The following IFNAR1 variants were observed in gnomAD, a reference collection of about 807,000 sequenced individuals.
IFNAR1 encodes the protein interferon alpha and beta receptor subunit 1, also known as interferon alpha/beta receptor 1.
IFNAR1 carries 47 observed loss-of-function variants against 62.1 expected under a neutral mutation model. The observed-to-expected ratio is 0.76, with a 90% CI of 0.60 to 0.97. IFNAR1 has a LOEUF of 0.97. IFNAR1 is among the 50% of genes least tolerant of loss of function. The pLI is 0.00. For synonymous variants in IFNAR1, 219 were observed against 226.9 expected (o/e 0.97, Z 0.31); for missense variants, 638 against 654.5 (o/e 0.97, Z 0.27).
intron 2 of IFNAR1, among the ~76,000 whole-genome samples, chr21:33,337,617 T>C (rs2083249950): frequency 9.0e-6 from 1 of 111,488 alleles, no homozygotes; most frequent in African/African-American, 3.2e-5. Flanking sequence ...AAATACACAC[T>C]GTATATATGC....
At chr21:33,334,721 C>A in intron 1 of IFNAR1, 1 of 818,784 alleles carries the variant, frequency 1.2e-6, no homozygotes, top group Non-Finnish European at 2.1e-6. Context: ...ACCCCAGTGT[C>A]AAGTGATGCG....
chr21:33,334,829 G>C, intron 1 of IFNAR1: 1 of 937,474 alleles, frequency 1.1e-6, no homozygotes, highest in Non-Finnish European at 1.7e-6. Flanking sequence ...GACCCAGGTG[G>C]TGATCCAGGG....
rs755379846 is a variant in IFNAR1, at chr21:33,346,367, C to T, written c.788+1007C>T. 2.0e-5 allele frequency among the ~76,000 whole-genome samples: 3 copies of T among 152,172 alleles called. 1 individual carries two copies. Among genetic ancestry groups the T allele is most frequent in the South Asian group, 4.1e-4 (2 of 4,820 alleles). ...TGAGGGAGAAGGGAAGTGTAAGTAC[C>T]GCTATGATCAATTTCTATCTTTTAG... On this transcript the variant is annotated intron_variant, in intron 6 of 10. Coordinates refer to ENST00000270139, the MANE Select transcript of IFNAR1 (RefSeq NM_000629.3).
intron 1 of IFNAR1, among the ~76,000 whole-genome samples, chr21:33,333,811 G>C (rs929683535): frequency 6.6e-6 from 1 of 151,778 alleles, no homozygotes; most frequent in Admixed American, 6.6e-5. Context: ...TTTTAGTAGA[G>C]ACGGGGTTTC....
chr21:33,345,390 C>A, intron 6 of IFNAR1, 30 bp downstream of exon 6: 1 of 1,261,170 alleles, frequency 7.9e-7, no homozygotes, highest in Non-Finnish European at 1.2e-6. Context: ...TTTCCTTTTG[C>A]CCAGTTTGTT....
At chr21:33,345,468 G>GT in intron 6 of IFNAR1, 108 bp downstream of exon 6, 1 of 705,120 alleles carries the variant, frequency 1.4e-6, no homozygotes. Flanking sequence ...CGACTGGGAG[G>GT]TGGGTACGAT....
intron 2 of IFNAR1, among the ~76,000 whole-genome samples, chr21:33,338,820 G>A (rs559650755): frequency 2.6e-5 from 4 of 151,052 alleles, no homozygotes; most frequent in Non-Finnish European, 4.4e-5. Context: ...TCGGCTCACC[G>A]CAACCTCCGC....
chr21:33,343,245 T>C, intron 3 of IFNAR1, 23 bp from the exon 4 acceptor site: 1 of 1,603,880 alleles, frequency 6.2e-7, no homozygotes, highest in Middle Eastern at 1.7e-4. Context: ...AGTTCCATAG[T>C]AATTGTTTTG....
Position 33,353,713 on chromosome 21 carries a change from C to A in IFNAR1, c.1370C>A (p.Ala457Glu), listed in dbSNP as rs200796146. 1 of 1,592,038 alleles carries A rather than the reference C, an allele frequency of 6.3e-7. No individual in the cohort carries two copies. The highest frequency in any genetic ancestry group is 2.3e-5 in the East Asian group (1 of 43,798). The stretch of plus-strand genomic sequence containing the variant: ...GCTCTCCCGTTTGTCATTTATGCTG[C>A]GAAAGTCTTCTTGAGATGCATCAAT... ...LFALPFVIYA[A>E]KVFLRCINYV... The change falls in exon 10 of 11, where the codon GCG (alanine) becomes GAG (glutamate). Residue 457 changes from alanine to glutamate, a missense_variant. By Grantham distance (107) the Ala-to-Glu change is moderately radical. Coordinates refer to ENST00000270139, the MANE Select transcript of IFNAR1 (RefSeq NM_000629.3).
chr21:33,333,755 C>G (rs1245734387), intron 1 of IFNAR1, among the ~76,000 whole-genome samples: 2 of 151,584 alleles, frequency 1.3e-5, no homozygotes, highest in Non-Finnish European at 2.9e-5. Flanking sequence ...TCCTGAGTAG[C>G]TGGGACTACA....
Position 33,358,099 on chromosome 21 carries a change from G to T in IFNAR1, c.*2550G>T, listed in dbSNP as rs992296462. ...AGTGAAATTGTTAGGTCTCTAGGAA[G>T]TTGGAGCACAAGGCTTCACGCTTTA... On this transcript the variant is annotated 3_prime_UTR_variant, in exon 11 of 11. Coordinates refer to ENST00000270139, the MANE Select transcript of IFNAR1 (RefSeq NM_000629.3). The T allele has an allele frequency of 6.6e-6, 1 of 152,224 alleles. No individual in the cohort carries two copies. Among genetic ancestry groups the T allele is most frequent in the Non-Finnish European group, 1.5e-5 (1 of 68,044 alleles). 9.4% of individuals were successfully genotyped at this position (152,224 alleles called of 1,614,324 possible). A position where few individuals can be genotyped will look rare whatever the true frequency, so the allele number is the denominator to read the frequency against.
chr21:33,352,662 C>A (rs1455653043), intron 8 of IFNAR1, 96 bp from the exon 9 acceptor site: 9 of 625,276 alleles, frequency 1.4e-5, no homozygotes, highest in Middle Eastern at 4.7e-4. Context: ...GTGGGAGAGG[C>A]CAATGTTAGA....
chr21:33,343,387 A>G lies in IFNAR1; in HGVS notation c.496A>G (p.Ser166Gly). ...WALDGLSFTYSLVIWKNSSGV... is the reference protein window; with the variant it reads ...WALDGLSFTYGLVIWKNSSGV... ...TTTGGATGGTTTAAGCTTTACATAT[A>G]GCTTAGTTATCTGGAAAAACTCTTC... is the stretch of plus-strand genomic sequence containing the variant. Residue 166 changes from serine (S) to glycine (G), a missense_variant, in exon 4 of 11, where the codon AGC becomes GGC. Transcript: ENST00000270139. 1 of 1,613,190 alleles carries G rather than the reference A, an allele frequency of 6.2e-7. No homozygotes were observed. The highest frequency in any genetic ancestry group is 8.5e-7 in the Non-Finnish European group (1 of 1,179,230).
At chr21:33,341,251 T>G (rs1346157587) in intron 3 of IFNAR1, 77 bp downstream of exon 3, 1 of 1,121,380 alleles carries the variant, frequency 8.9e-7, no homozygotes, top group East Asian at 2.4e-5. Flanking sequence ...GCCATTCATT[T>G]GCATGATGCA....
rs755405687 is a variant in IFNAR1 at position 33,355,273 on chromosome 21, T to C, written c.1441-43T>C. On this transcript the variant is annotated intron_variant, in intron 10 of 10. Coordinates refer to ENST00000270139, the MANE Select transcript of IFNAR1 (RefSeq NM_000629.3). ...ACAACTAGAAAAGGAATTTTTATTA[T>C]TTTAAATAATTGATTTCTACTCTTT... The C allele has an allele frequency of 6.2e-6, 6 of 972,952 alleles. No individual in the cohort carries two copies. The African/African-American group carries it at 1.0e-4, about 16-fold the overall frequency. 60.3% of individuals were successfully genotyped at this position (972,952 alleles called of 1,614,324 possible).
intron 2 of IFNAR1, among the ~76,000 whole-genome samples, chr21:33,339,642 C>T (rs974690399): frequency 1.3e-5 from 2 of 152,090 alleles, no homozygotes; most frequent in Non-Finnish European, 2.9e-5. Flanking sequence ...GCTAAATTGG[C>T]CGGGCATGGT....
rs766429391 is a variant in IFNAR1 at position 33,325,082 on chromosome 21, G to T, written c.27G>T (p.Thr9=). The change falls in exon 1 of 11, where the codon ACG becomes ACT. Residue 9 remains threonine, a synonymous_variant. Coordinates refer to ENST00000270139, the MANE Select transcript of IFNAR1 (RefSeq NM_000629.3). The part of the protein sequence containing the change: MMVVLLGA[T]TLVLVAVAPW... The stretch of plus-strand genomic sequence containing the variant: ...TGATGGTCGTCCTCCTGGGCGCGAC[G>T]ACCCTAGTGCTCGTCGCCGTGGCGC... 2 of 1,610,256 alleles carry T rather than the reference G, an allele frequency of 1.2e-6. No individual in the cohort carries two copies. The highest frequency in any genetic ancestry group is 4.5e-5 in the East Asian group (2 of 44,714).
At chr21:33,324,872 C>A (rs1207683383), upstream of IFNAR1, 6 of 469,734 alleles carry the variant, frequency 1.3e-5, no homozygotes, top group Non-Finnish European at 2.3e-5. Context: ...CGTGGAGGAA[C>A]GGCGCGTGCG....
At chr21:33,333,498 G>C (rs978983938) in intron 1 of IFNAR1, among the ~76,000 whole-genome samples, 1 of 151,902 alleles carries the variant, frequency 6.6e-6, no homozygotes, top group African/African-American at 2.4e-5. Context: ...AGGAAGAAAG[G>C]GGCAAAGGAT....
Sources: allele counts gnomAD v4.1 joint callset (sites outside exome capture counted in the v4.1 genomes callset), GRCh38; gene constraint gnomAD v4.1.1; transcripts MANE v1.5; gene names NCBI Gene and HGNC (gene_info 2026-07-23, HGNC 2026-07-21).